STRN: variants seen among roughly 807,000 people sequenced by gnomAD.
STRN encodes the protein protein phosphatase 2 regulatory subunit B'''alpha.
In STRN, 53 loss-of-function variants were observed where a neutral mutation model predicts 96.3. The observed-to-expected ratio is 0.55, with a 90% CI of 0.44 to 0.69. The LOEUF is 0.69. Among genes scored for constraint, STRN ranks in the 30% least tolerant of loss-of-function variants. The pLI is 0.00. For missense variants in STRN, 987 were observed against 963.9 expected, an observed-to-expected ratio of 1.02 and a Z score of -0.32; for synonymous variants, 428 against 355.9, an observed-to-expected ratio of 1.20 and a Z score of -2.28.
At chr2:36,931,653 G>A (rs1198172779) in intron 1 of STRN, among the ~76,000 whole-genome samples, 3 of 152,164 alleles carry the variant, frequency 2.0e-5, no homozygotes, top group African/African-American at 7.2e-5. Flanking sequence ...TGTTGCCTAA[G>A]ACATATGTGT....
At chr2:36,892,000 T>G (rs1219380995) in intron 7 of STRN, among the ~76,000 whole-genome samples, 12 of 152,234 alleles carry the variant, frequency 7.9e-5, no homozygotes, top group Non-Finnish European at 2.9e-5. Flanking sequence ...GTATTTCTGA[T>G]GTGTGTAACT....
intron 12 of STRN, among the ~76,000 whole-genome samples, chr2:36,864,776 G>A (rs982855248): frequency 1.3e-5 from 2 of 152,108 alleles, no homozygotes; most frequent in Non-Finnish European, 2.9e-5. Flanking sequence ...CAATGGGTGC[G>A]ATCTCAGCTT....
Position 36,913,943 on chromosome 2 carries a change from G to A in STRN, c.412+2135C>T, listed in dbSNP as rs143932330. On this transcript the variant is annotated intron_variant, in intron 3 of 17. Transcript: ENST00000263918. ...ACTTACATCTACCTGCTTTTAAAGC[G>A]CAAGCCCCTTCTACTGAGCTGCGCT... Among the ~76,000 whole-genome samples the A allele has an allele frequency of 2.0e-3, 303 of 152,174 alleles. 5 individuals carry two copies. Among genetic ancestry groups the A allele is most frequent in the African/African-American group, 7.0e-3 (291 of 41,536 alleles).
intron 10 of STRN, among the ~76,000 whole-genome samples, chr2:36,874,949 G>A (rs1200239588): frequency 6.6e-6 from 1 of 152,040 alleles, no homozygotes; most frequent in Non-Finnish European, 1.5e-5. Context: ...AATGTGTAAA[G>A]GATAATGTAA....
chr2:36,855,433 T>A (rs1668321136), intron 14 of STRN, 81 bp from the exon 15 acceptor site: 1 of 1,460,814 alleles, frequency 6.8e-7, no homozygotes, highest in African/African-American at 1.4e-5. Context: ...AAACAAAAAA[T>A]GGCATGGTTT....
intron 1 of STRN, among the ~76,000 whole-genome samples, chr2:36,931,470 G>A (rs1411874109): frequency 2.0e-5 from 3 of 152,162 alleles, no homozygotes; most frequent in African/African-American, 7.2e-5. Context: ...AAACAGCTAA[G>A]AAAAGATAGT....
At position 36,894,809 on chromosome 2, in the gene STRN, A is replaced by C. The variant is rs111856330; in HGVS notation, c.796-776T>G. Among the ~76,000 whole-genome samples, 602 of 152,330 alleles carry C rather than the reference A, an allele frequency of 4.0e-3. 4 individuals carry two copies. Among genetic ancestry groups the C allele is most frequent in the African/African-American group, 0.014 (586 of 41,564 alleles). ...GACAGACCAATAGGATAGACTAGAG[A>C]GTTGAGAAGTAGACCCCAAAGATGA... On this transcript the variant is annotated intron_variant, in intron 6 of 17. Coordinates refer to ENST00000263918, the MANE Select transcript of STRN (RefSeq NM_003162.4).
At position 36,842,979 on chromosome 2, in the gene STRN, C is replaced by G. The variant is rs1053249522; in HGVS notation, c.*6477G>C. On this transcript the variant is annotated 3_prime_UTR_variant, in exon 18 of 18. Coordinates refer to ENST00000263918, the MANE Select transcript of STRN (RefSeq NM_003162.4). ...TGGGGCCCTGCAAAACATCAGTGATCTTGGGAAACCCAGAGGAGGTCAGAA... is the reference window on the plus strand; with the variant it reads ...TGGGGCCCTGCAAAACATCAGTGATGTTGGGAAACCCAGAGGAGGTCAGAA... 6.6e-6 allele frequency among the ~76,000 whole-genome samples: 1 copy of G among 152,082 alleles called. No homozygotes were observed. Among genetic ancestry groups the G allele is most frequent in the African/African-American group, 2.4e-5 (1 of 41,418 alleles).
intron 9 of STRN, among the ~76,000 whole-genome samples, chr2:36,879,580 A>G (rs899348099): frequency 5.9e-5 from 9 of 152,266 alleles, no homozygotes; most frequent in African/African-American, 1.9e-4. Context: ...TTGGTCAATA[A>G]CAAAATGTCA....
At chr2:36,947,123 C>T (rs776923254) in intron 1 of STRN, among the ~76,000 whole-genome samples, 1 of 152,096 alleles carries the variant, frequency 6.6e-6, no homozygotes, top group Non-Finnish European at 1.5e-5. Context: ...GTCTCCATCT[C>T]CTGAATTCAT....
intron 7 of STRN, among the ~76,000 whole-genome samples, chr2:36,887,266 A>AAAATAAATAAATAAAT (rs34577574): frequency 5.7e-4 from 78 of 136,470 alleles, no homozygotes; most frequent in East Asian, 2.2e-3. Flanking sequence ...CATTTCTAGT[A>AAAATAAATAAATAAAT]AAATAAATAA....
chr2:36,869,431 T>A (rs1021222265), intron 11 of STRN, 123 bp downstream of exon 11: 1 of 954,050 alleles, frequency 1.0e-6, no homozygotes, highest in African/African-American at 1.7e-5. Flanking sequence ...ATAAATTACA[T>A]GACATGGAAG....
At chr2:36,966,059 C>G (rs947073271) in intron 1 of STRN, among the ~76,000 whole-genome samples, 171 bp downstream of exon 1, 1 of 146,254 alleles carries the variant, frequency 6.8e-6, no homozygotes, top group Non-Finnish European at 1.5e-5. Flanking sequence ...GAGGTGGGGT[C>G]AGCGAAAGGC....
In STRN at chr2:36,847,273, A is replaced by C. The variant is rs1668103775; in HGVS notation, c.*2183T>G. On this transcript the variant is annotated 3_prime_UTR_variant, in exon 18 of 18. Transcript: ENST00000263918. ...GGGGAAGAATGTCCTGGTTTTTAGA[A>C]TTTCAGTGACATTAATAAAGCAGTA... 1 of 152,186 alleles carries C rather than the reference A, an allele frequency of 6.6e-6. No individual in the cohort carries two copies. Among genetic ancestry groups the C allele is most frequent in the Non-Finnish European group, 1.5e-5 (1 of 68,026 alleles). The allele number at this position is 152,186 out of a possible 1,614,324, so 9.4% of individuals were successfully genotyped here.
At chr2:36,877,508 C>T (rs543534469) in intron 10 of STRN, among the ~76,000 whole-genome samples, 61 of 152,206 alleles carry the variant, frequency 4.0e-4, no homozygotes, top group African/African-American at 1.0e-3. Flanking sequence ...TTTACCATTG[C>T]CTTCATTTTC....
intron 6 of STRN, among the ~76,000 whole-genome samples, chr2:36,894,921 C>A (rs1201221001): frequency 6.6e-6 from 1 of 152,156 alleles, no homozygotes; most frequent in South Asian, 2.1e-4. Context: ...AAACAAGATA[C>A]AGCCTCAGAA....
chr2:36,949,298 T>A (rs1558666067), intron 1 of STRN, among the ~76,000 whole-genome samples: 1 of 152,242 alleles, frequency 6.6e-6, no homozygotes, highest in Non-Finnish European at 1.5e-5. Flanking sequence ...GTTAGGTATT[T>A]CTCAGAACAT....
intron 2 of STRN, among the ~76,000 whole-genome samples, chr2:36,916,500 A>G (rs1311218105): frequency 1.3e-5 from 2 of 152,114 alleles, no homozygotes; most frequent in Non-Finnish European, 2.9e-5. Context: ...AACAGTTAAA[A>G]AAAAAAAAAA....
chr2:36,861,555 G>A (rs1668479811), intron 12 of STRN, among the ~76,000 whole-genome samples: 1 of 152,208 alleles, frequency 6.6e-6, no homozygotes, highest in South Asian at 2.1e-4. Context: ...ACAAGAATAT[G>A]CAACAGAAAT....
Sources: allele counts gnomAD v4.1 joint callset (sites outside exome capture counted in the v4.1 genomes callset), GRCh38; gene constraint gnomAD v4.1.1; transcripts MANE v1.5; gene names NCBI Gene and HGNC (gene_info 2026-07-23, HGNC 2026-07-21).